RAD51B: variants seen among roughly 807,000 people sequenced by gnomAD.
RAD51B encodes RAD51 paralog B.
Under a neutral mutation model 42.2 loss-of-function variants are expected in RAD51B, and 38 were observed. The observed-to-expected ratio is 0.90, with a 90% CI of 0.70 to 1.18. The LOEUF (loss-of-function observed/expected upper bound fraction) is 1.18, where lower values mean the gene tolerates loss of function less well. Ranked by LOEUF, RAD51B falls within the 50% of genes most tolerant of loss-of-function variation. The probability of loss-of-function intolerance (pLI) is 0.00; values close to 1 mark genes in which losing one functional copy is unlikely to be tolerated. For synonymous variants in RAD51B, 154 were observed against 145.2 expected (o/e 1.06, Z -0.43); for missense variants, 373 against 400.7 (o/e 0.93, Z 0.59).
At chr14:68,544,002 G>A (rs1888097316) in intron 10 of RAD51B, among the ~76,000 whole-genome samples, 1 of 152,190 alleles carries the variant, frequency 6.6e-6, no homozygotes, top group Non-Finnish European at 1.5e-5. Flanking sequence ...TCAGACAAAT[G>A]TGTATCAGAA....
intron 7 of RAD51B, among the ~76,000 whole-genome samples, chr14:67,970,494 A>C (rs2074874905): frequency 6.6e-6 from 1 of 151,514 alleles, no homozygotes; most frequent in South Asian, 2.1e-4. Flanking sequence ...CTTACCTTTT[A>C]GTTGTTTTTT....
chr14:68,198,455 A>G (rs940854325), intron 7 of RAD51B, among the ~76,000 whole-genome samples: 5 of 152,208 alleles, frequency 3.3e-5, no homozygotes, highest in Non-Finnish European at 7.4e-5. Flanking sequence ...TTTTAGATTC[A>G]GCCTGAAAAT....
intron 10 of RAD51B, among the ~76,000 whole-genome samples, chr14:68,487,984 T>A (rs1427182710): frequency 3.3e-5 from 5 of 152,040 alleles, no homozygotes; most frequent in African/African-American, 1.2e-4. Context: ...GGGAAAAAAG[T>A]AGATGCTGGC....
chr14:68,247,264 A>T (rs1298970510), intron 7 of RAD51B, among the ~76,000 whole-genome samples: 2 of 152,236 alleles, frequency 1.3e-5, no homozygotes, highest in Non-Finnish European at 2.9e-5. Flanking sequence ...GCTTGAAAAA[A>T]AAAATGTATG....
chr14:68,093,183 A>T (rs1260033253), intron 7 of RAD51B, among the ~76,000 whole-genome samples: 1 of 151,592 alleles, frequency 6.6e-6, no homozygotes, highest in Admixed American at 6.6e-5. Context: ...TGTCTCTGCT[A>T]GGCTTTGGTA....
intron 10 of RAD51B, among the ~76,000 whole-genome samples, chr14:68,564,913 C>T (rs969495865): frequency 6.6e-6 from 1 of 152,236 alleles, no homozygotes; most frequent in Non-Finnish European, 1.5e-5. Flanking sequence ...GCCCTGCCAT[C>T]CACCCTAGTG....
At chr14:68,378,936 G>A (rs1470244802) in intron 8 of RAD51B, among the ~76,000 whole-genome samples, 2 of 152,114 alleles carry the variant, frequency 1.3e-5, no homozygotes, top group African/African-American at 4.8e-5. Flanking sequence ...GAGACACTCA[G>A]GCCCAGAAAT....
intron 7 of RAD51B, among the ~76,000 whole-genome samples, chr14:67,941,994 T>C (rs2045226647): frequency 6.6e-6 from 1 of 152,228 alleles, no homozygotes; most frequent in Non-Finnish European, 1.5e-5. Context: ...GAAAACTGTT[T>C]GCTTTTTTAC....
intron 8 of RAD51B, among the ~76,000 whole-genome samples, chr14:68,343,227 C>T (rs959097314): frequency 6.6e-6 from 1 of 152,090 alleles, no homozygotes; most frequent in Admixed American, 6.5e-5. Flanking sequence ...ATTTGAGCTC[C>T]TTATATATTT....
chr14:68,509,837 C>T (rs957768994), intron 10 of RAD51B, among the ~76,000 whole-genome samples: 2 of 152,246 alleles, frequency 1.3e-5, no homozygotes, highest in African/African-American at 4.8e-5. Flanking sequence ...ACTTTATTTA[C>T]ATCGGGCTGC....
chr14:68,451,336 T>A (rs2085552705), intron 9 of RAD51B, among the ~76,000 whole-genome samples: 2 of 152,248 alleles, frequency 1.3e-5, no homozygotes, highest in African/African-American at 4.8e-5. Flanking sequence ...AATTCCCTTA[T>A]AATAGTTGAT....
chr14:68,103,769 G>A (rs2077330899), intron 7 of RAD51B, among the ~76,000 whole-genome samples: 1 of 152,124 alleles, frequency 6.6e-6, no homozygotes, highest in Admixed American at 6.5e-5. Flanking sequence ...TTCAGATAAG[G>A]AGGAGACAAT....
chr14:68,231,725 G>T (rs539418098), intron 7 of RAD51B, among the ~76,000 whole-genome samples: 2 of 152,168 alleles, frequency 1.3e-5, no homozygotes, highest in Admixed American at 6.5e-5. Context: ...GAAGGACTTG[G>T]ATCTTTTCTA....
intron 7 of RAD51B, among the ~76,000 whole-genome samples, chr14:68,123,633 C>T (rs1290266209): frequency 6.6e-6 from 1 of 152,056 alleles, no homozygotes; most frequent in Non-Finnish European, 1.5e-5. Context: ...CGTGGTGAAA[C>T]CCCATCTCTA....
chr14:67,954,133 C>T (rs1208380085), intron 7 of RAD51B, among the ~76,000 whole-genome samples: 2 of 152,118 alleles, frequency 1.3e-5, no homozygotes, highest in East Asian at 1.9e-4. Flanking sequence ...GTTATAGTAA[C>T]GCTCTAACTC....
rs1887748029 is a variant in RAD51B, at chr14:68,538,116, C to A, written c.1037-56369C>A. Among the ~76,000 whole-genome samples, 5 of 152,322 alleles carry A rather than the reference C, an allele frequency of 3.3e-5. No individual in the cohort carries two copies. In the South Asian group the frequency reaches 1.0e-3, roughly 32 times the overall value. On this transcript the variant is annotated intron_variant, in intron 10 of 10. Transcript: ENST00000487270. ...CTCTGGCTCTTTCCAGTCCCATGGG[C>A]CAAAGAGCCAAGACACCTCACATTC...
At chr14:67,942,975 T>A (rs2045260839) in intron 7 of RAD51B, among the ~76,000 whole-genome samples, 1 of 152,146 alleles carries the variant, frequency 6.6e-6, no homozygotes, top group African/African-American at 2.4e-5. Context: ...TGGTGGCAGG[T>A]CTTTATTTTG....
intron 7 of RAD51B, among the ~76,000 whole-genome samples, chr14:68,241,509 T>A (rs1259475169): frequency 6.6e-6 from 1 of 152,062 alleles, no homozygotes; most frequent in Non-Finnish European, 1.5e-5. Flanking sequence ...GCCACTGCAC[T>A]CCAGCTGGGC....
chr14:68,049,385 T>C (rs1409960570), intron 7 of RAD51B, among the ~76,000 whole-genome samples: 9 of 152,066 alleles, frequency 5.9e-5, no homozygotes, highest in African/African-American at 2.2e-4. Context: ...TATAAAGTAA[T>C]AGAAATGAGT....
Sources: gnomAD v4.1 joint callset for allele counts (sites outside exome capture counted in the v4.1 genomes callset) on GRCh38, gnomAD v4.1.1 for gene constraint, MANE v1.5 for transcripts, NCBI Gene and HGNC (gene_info 2026-07-23, HGNC 2026-07-21) for gene names.